AKAP14: variants seen among roughly 807,000 people sequenced by gnomAD.
AKAP14 encodes A-kinase anchoring protein 14.
In AKAP14, 4 loss-of-function variants were observed where a neutral mutation model predicts 17.0. The ratio of observed to expected loss-of-function variants is 0.23; its 90% CI spans 0.12 to 0.54. AKAP14 has a LOEUF of 0.54. Among genes scored for constraint, AKAP14 ranks in the 20% least tolerant of loss-of-function variants. The probability of loss-of-function intolerance (pLI) is 0.95; values close to 1 mark genes in which losing one functional copy is unlikely to be tolerated. For missense variants in AKAP14, 129 were observed against 150.9 expected (o/e 0.85, Z 0.76); for synonymous variants, 42 against 51.3 (o/e 0.82, Z 0.77).
chrX:119,919,798 A>T (rs767886329), intron 5 of AKAP14, 113 bp from the exon 6 acceptor site: 2 of 815,335 alleles, frequency 2.5e-6, no homozygotes, highest in Non-Finnish European at 3.6e-6. Context: ...GTGAGCTGAG[A>T]TTGCACCACT....
At chrX:119,915,595 T>C (rs2056652481) in intron 5 of AKAP14, among the ~76,000 whole-genome samples, 1 of 111,958 alleles carries the variant, frequency 8.9e-6, no homozygotes, top group South Asian at 3.7e-4. Flanking sequence ...AACCTCCACC[T>C]CCTGGGTTTA....
chrX:119,896,998 C>T (rs1356332658), intron 2 of AKAP14, among the ~76,000 whole-genome samples: 1 of 108,291 alleles, frequency 9.2e-6, no homozygotes, highest in Non-Finnish European at 1.9e-5. Flanking sequence ...TTAGTAGAGA[C>T]GGGATTTTGC....
intron 4 of AKAP14, among the ~76,000 whole-genome samples, chrX:119,908,332 G>A (rs1391931637): frequency 4.6e-5 from 5 of 109,395 alleles, no homozygotes; most frequent in African/African-American, 1.0e-4. Context: ...TATAGTTGTG[G>A]GGAGGGAACA....
chrX:119,916,992 GCTA>G lies in AKAP14; in HGVS notation c.441+2117_441+2119del, dbSNP rs201392491. Reference sequence around the variant, plus strand: ...ATGGTGGCGCATGCCTGTAATCCCAGCTACTCAGGAGGCTGAGGCAGCAGAATT... The same window carrying G: ...ATGGTGGCGCATGCCTGTAATCCCAGCTCAGGAGGCTGAGGCAGCAGAATT... On this transcript the variant is annotated intron_variant, in intron 5 of 6. Coordinates refer to ENST00000371431, the MANE Select transcript of AKAP14 (RefSeq NM_178813.6). Among the ~76,000 whole-genome samples, 767 of 103,648 alleles carry G rather than the reference GCTA, an allele frequency of 7.4e-3. 3 individuals are homozygous for G. The highest frequency in any genetic ancestry group is 0.015 in the Middle Eastern group (3 of 200). 90.0% of individuals were successfully genotyped at this position (103,648 alleles called of 115,157 possible). A position where few individuals can be genotyped will look rare whatever the true frequency, so the allele number is the denominator to read the frequency against.
chrX:119,900,792 C>T (rs1320578518), intron 2 of AKAP14, among the ~76,000 whole-genome samples: 1 of 112,001 alleles, frequency 8.9e-6, no homozygotes, highest in Non-Finnish European at 1.9e-5. Flanking sequence ...CCACTTTGGC[C>T]TCCCGAAGTG....
rs765107118 is a variant in AKAP14, at chrX:119,896,805, C to CTTT, written c.-11+543_-11+545dup. ...CAAATGGGCAATTTTCTTTTCTTTTCTTTTTTTCTTTTTTTTTTTTTTTGA... is the reference window on the plus strand; with the variant it reads ...CAAATGGGCAATTTTCTTTTCTTTTCTTTTTTTTTTCTTTTTTTTTTTTTTTGA... On this transcript the variant is annotated intron_variant, in intron 2 of 6. Transcript: ENST00000371431. Among the ~76,000 whole-genome samples, 91 of 70,731 alleles carry CTTT rather than the reference C, an allele frequency of 1.3e-3. 14 individuals are homozygous for CTTT. The highest frequency in any genetic ancestry group is 1.2e-3 in the African/African-American group (21 of 17,472). 61.4% of individuals were successfully genotyped at this position (70,731 alleles called of 115,157 possible). A position where few individuals can be genotyped will look rare whatever the true frequency, so the allele number is the denominator to read the frequency against.
At chrX:119,915,147 C>T (rs112319296) in intron 5 of AKAP14, among the ~76,000 whole-genome samples, 171 of 111,406 alleles carry the variant, frequency 1.5e-3, no homozygotes, top group Non-Finnish European at 2.6e-3. Flanking sequence ...GTTTCCCTGC[C>T]TCATACCAAC....
Position 119,906,225 on chromosome X carries a change from C to CTTTT in AKAP14, c.261+2663_261+2666dup, listed in dbSNP as rs10637499. On this transcript the variant is annotated intron_variant, in intron 4 of 6. Coordinates refer to ENST00000371431, the MANE Select transcript of AKAP14 (RefSeq NM_178813.6). Reference sequence around the variant, plus strand: ...CACTAATGCAGCATGCCTGGCATTTCTTTTTTTTTTTTTTTTTTTTTTTTT... The same window carrying CTTTT: ...CACTAATGCAGCATGCCTGGCATTTCTTTTTTTTTTTTTTTTTTTTTTTTTTTTT... Among the ~76,000 whole-genome samples the CTTTT allele has an allele frequency of 1.0e-3, 53 of 50,885 alleles. 4 individuals carry two copies. The highest frequency in any genetic ancestry group is 4.1e-3 in the African/African-American group (46 of 11,334). The allele number at this position is 50,885 out of a possible 115,157, so 44.2% of individuals were successfully genotyped here.
At position 119,913,056 on chromosome X, in the gene AKAP14, G is replaced by A. The variant is rs181268471; in HGVS notation, c.262-1643G>A. Among the ~76,000 whole-genome samples, 360 of 109,459 alleles carry A rather than the reference G, an allele frequency of 3.3e-3. 3 individuals carry two copies. The highest frequency in any genetic ancestry group is 3.9e-3 in the Non-Finnish European group (203 of 52,717). ...TAATCCCAGCACTTTGGTAGGCTGA[G>A]GCAGGCGGATTGCTCGAGCCCAGGA... On this transcript the variant is annotated intron_variant, in intron 4 of 6. Transcript: ENST00000371431.
Position 119,902,753 on chromosome X carries a change from G to A in AKAP14, c.-10-461G>A, listed in dbSNP as rs150370298. 1.3e-3 allele frequency among the ~76,000 whole-genome samples: 145 copies of A among 110,721 alleles called. 4 individuals are homozygous for A. The East Asian group carries it at 0.032, about 25-fold the overall frequency. ...GTTGCCCAGGCTGGAGTGCAATGGC[G>A]CGATCTTGGCTCACTGCAACCTCCA... On this transcript the variant is annotated intron_variant, in intron 2 of 6. Coordinates refer to ENST00000371431, the MANE Select transcript of AKAP14 (RefSeq NM_178813.6).
chrX:119,900,004 C>T (rs2056555200), intron 2 of AKAP14, among the ~76,000 whole-genome samples: 1 of 111,536 alleles, frequency 9.0e-6, no homozygotes, highest in Non-Finnish European at 1.9e-5. Flanking sequence ...TCTCGGCTCA[C>T]TGCAACCTCT....
At chrX:119,911,791 T>G (rs755530824) in intron 4 of AKAP14, among the ~76,000 whole-genome samples, 1 of 110,576 alleles carries the variant, frequency 9.0e-6, no homozygotes, top group Non-Finnish European at 1.9e-5. Context: ...CTTAAATTCC[T>G]GTGCTCAAAC....
chrX:119,903,156 G>C, intron 2 of AKAP14, 58 bp from the exon 3 acceptor site: 1 of 1,058,187 alleles, frequency 9.5e-7, no homozygotes, highest in African/African-American at 1.8e-5. Context: ...GTACTTATAT[G>C]AGTGCGTTCA....
intron 4 of AKAP14, among the ~76,000 whole-genome samples, chrX:119,914,052 T>TG (rs1247750742): frequency 9.2e-6 from 1 of 109,144 alleles, no homozygotes; most frequent in Non-Finnish European, 1.9e-5. Context: ...CTGACCAACA[T>TG]GGTGAAACGC....
chrX:119,902,379 ATT>A (rs947406116), intron 2 of AKAP14, among the ~76,000 whole-genome samples: 20 of 110,180 alleles, frequency 1.8e-4, no homozygotes, highest in Admixed American at 2.9e-4. Flanking sequence ...GGGCCTTTAT[ATT>A]TCTTTTTAAA....
At chrX:119,906,583 G>C (rs1257850810) in intron 4 of AKAP14, among the ~76,000 whole-genome samples, 1 of 106,444 alleles carries the variant, frequency 9.4e-6, no homozygotes, top group Non-Finnish European at 1.9e-5. Context: ...ACCCAGGCTG[G>C]AGTGCAATGG....
In AKAP14 at chrX:119,903,482, CT is replaced by C. The variant is rs112575937; in HGVS notation, c.170-5del. ...TACCTGGCAACTAACGAACTCACAC[CT>C]TTTTTTTGCAGAGGAGCGAAACCCT... On this transcript the variant is annotated splice_polypyrimidine_tract_variant and intron_variant, in intron 3 of 6. Transcript: ENST00000371431. The C allele has an allele frequency of 1.7e-6, 2 of 1,208,849 alleles. No individual in the cohort carries two copies. The highest frequency in any genetic ancestry group is 3.5e-5 in the South Asian group (2 of 56,791).
At chrX:119,916,845 T>C (rs1282469939) in intron 5 of AKAP14, among the ~76,000 whole-genome samples, 2 of 100,067 alleles carry the variant, frequency 2.0e-5, no homozygotes, top group Admixed American at 1.0e-4. Context: ...CGGTGGCTCA[T>C]GCTTGTAATC....
intron 4 of AKAP14, among the ~76,000 whole-genome samples, chrX:119,905,559 T>C (rs2056592808): frequency 9.1e-6 from 1 of 110,415 alleles, no homozygotes; most frequent in Non-Finnish European, 1.9e-5. Context: ...ATGATCTGAG[T>C]TCCCTTTCCC....
Sources: gnomAD v4.1 joint callset for allele counts (sites outside exome capture counted in the v4.1 genomes callset) on GRCh38, gnomAD v4.1.1 for gene constraint, MANE v1.5 for transcripts, NCBI Gene and HGNC (gene_info 2026-07-23, HGNC 2026-07-21) for gene names.